MACF1: variants seen among roughly 807,000 people sequenced by gnomAD.
The protein encoded by MACF1 is microtubule actin crosslinking factor 1.
MACF1 carries 193 observed loss-of-function variants against 854.8 expected under a neutral mutation model. That is an observed-to-expected ratio of 0.23 (90% CI 0.20 to 0.25). MACF1 has a LOEUF of 0.25. Among genes scored for constraint, MACF1 ranks in the 10% least tolerant of loss-of-function variants. The pLI, the probability that MACF1 is intolerant of heterozygous loss-of-function variation, is 1.00. For missense variants in MACF1, 7,722 were observed against 8,929.1 expected (o/e 0.86, Z 5.45); for synonymous variants, 3,185 against 3,226.7 (o/e 0.99, Z 0.44).
At chr1:39,297,849 T>G (rs1452112090) in intron 21 of MACF1, 104 bp downstream of exon 21, 1 of 1,367,844 alleles carries the variant, frequency 7.3e-7, no homozygotes, top group Admixed American at 2.2e-5. Flanking sequence ...TGGGCCATTG[T>G]TGTAATAAAG....
intron 51 of MACF1, among the ~76,000 whole-genome samples, chr1:39,371,881 T>C (rs1649281389): frequency 6.6e-6 from 1 of 151,714 alleles, no homozygotes; most frequent in Non-Finnish European, 1.5e-5. Flanking sequence ...TGGCATGATC[T>C]CGGCTCACTG....
At chr1:39,307,074 C>T (rs1404574713) in intron 23 of MACF1, among the ~76,000 whole-genome samples, 4 of 151,810 alleles carry the variant, frequency 2.6e-5, no homozygotes, top group Non-Finnish European at 5.9e-5. Flanking sequence ...AGGGTTTCAC[C>T]ATGTTGGCCA....
At chr1:39,372,764 T>C in intron 52 of MACF1, 168 bp downstream of exon 52, 2 of 575,790 alleles carry the variant, frequency 3.5e-6, no homozygotes, top group East Asian at 6.4e-5. Context: ...CCTTTTGCTA[T>C]ATAACATTGC....
chr1:39,370,122 G>A lies in MACF1; in HGVS notation c.13031G>A (p.Ser4344Asn). 6.2e-7 allele frequency: 1 copy of A among 1,614,082 alleles called. No homozygotes were observed. Among genetic ancestry groups the A allele is most frequent in the Non-Finnish European group, 8.5e-7 (1 of 1,179,936 alleles). ...FQKWLKETEG[S>N]IPPTETSMSA... Reference sequence around the variant, plus strand: ...AAATGGTTGAAAGAAACTGAAGGGAGTATTCCACCTACGGAAACTTCTATG... The same window carrying A: ...AAATGGTTGAAAGAAACTGAAGGGAATATTCCACCTACGGAAACTTCTATG... The change falls in exon 51 of 101, where the codon AGT (serine) becomes AAT (asparagine). Residue 4344 changes from serine to asparagine, a missense_variant. By Grantham distance (46) the Ser-to-Asn change is conservative. Around this residue, in one of 15 missense-constraint regions of MACF1, gnomAD observed 2,807 missense variants for 3,235.8 expected, o/e 0.87. Coordinates refer to ENST00000564288, the MANE Select transcript of MACF1 (RefSeq NM_001394062.1).
intron 2 of MACF1, among the ~76,000 whole-genome samples, chr1:39,126,953 C>T (rs902213806): frequency 7.2e-5 from 11 of 152,050 alleles, no homozygotes; most frequent in Non-Finnish European, 1.0e-4. Context: ...TCCTGTTGGC[C>T]GGGTGCCTTG....
chr1:39,331,379 G>C lies in MACF1; in HGVS notation c.4791G>C (p.Glu1597Asp). Reference protein sequence around the residue: ...PETGENLSLEEGIARNLINPQ... With the variant: ...PETGENLSLEDGIARNLINPQ... Reference sequence around the variant, plus strand: ...CGGGTGAAAACCTCTCTTTGGAGGAGGGCATAGCCAGAAACCTCATTAATC... The same window carrying C: ...CGGGTGAAAACCTCTCTTTGGAGGACGGCATAGCCAGAAACCTCATTAATC... Residue 1597 changes from glutamate (E) to aspartate (D), a missense_variant, in exon 37 of 101, where the codon GAG becomes GAC. By Grantham distance (45) the Glu-to-Asp change is conservative. Coordinates refer to ENST00000564288, the MANE Select transcript of MACF1 (RefSeq NM_001394062.1). 1 of 1,613,930 alleles carries C rather than the reference G, an allele frequency of 6.2e-7. No individual in the cohort carries two copies. The highest frequency in any genetic ancestry group is 8.5e-7 in the Non-Finnish European group (1 of 1,179,994).
intron 90 of MACF1, 170 bp from the exon 91 acceptor site, chr1:39,458,916 G>T: frequency 4.8e-6 from 3 of 621,778 alleles, no homozygotes; most frequent in Non-Finnish European, 8.2e-6. Context: ...GGGAGGATCA[G>T]TACTTTTGGA....
rs1557653449 is a variant in MACF1 at position 39,435,732 on chromosome 1, C to G, written c.17959C>G (p.Leu5987Val). The change falls in exon 70 of 101, where the codon CTG becomes GTG. Residue 5987 changes from leucine to valine, a missense_variant. This residue lies in a region of MACF1 where 2,807 missense variants were observed against 3,235.8 expected (regional missense o/e 0.87). Coordinates refer to ENST00000564288, the MANE Select transcript of MACF1 (RefSeq NM_001394062.1). ...KEEVRQRALA[L>V]DEAVSQSTQF... ...GGAGGTGCGCCAGCGAGCCCTGGCT[C>G]TGGATGAAGCCGTGTCCCAGTCCAC... The G allele has an allele frequency of 2.5e-6, 4 of 1,614,112 alleles. No homozygotes were observed. Among genetic ancestry groups the G allele is most frequent in the Non-Finnish European group, 3.4e-6 (4 of 1,179,986 alleles).
Position 39,293,545 on chromosome 1 carries a change from A to G in MACF1, c.2080A>G (p.Lys694Glu). 6.2e-7 allele frequency: 1 copy of G among 1,613,972 alleles called. No individual in the cohort carries two copies. The stretch of plus-strand genomic sequence containing the variant: ...AGCTGAGTTGATCTGGTTGAATGAG[A>G]AGGAGGAGGAGGAACTAGCATATGA... ...ATAELIWLNE[K>E]EEEELAYDWS... is the part of the protein sequence containing the mutation. The change falls in exon 18 of 101, where the codon AAG becomes GAG. Residue 694 changes from lysine to glutamate, a missense_variant. This residue lies in a region of MACF1 where 1,137 missense variants were observed against 1,263.0 expected (regional missense o/e 0.90). Coordinates refer to ENST00000564288, the MANE Select transcript of MACF1 (RefSeq NM_001394062.1).
chr1:39,456,333 C>CA (rs545870333), intron 89 of MACF1, among the ~76,000 whole-genome samples: 5 of 150,568 alleles, frequency 3.3e-5, no homozygotes, highest in African/African-American at 4.9e-5. Context: ...GACTCCATTT[C>CA]AAAAAAAAAG....
At chr1:39,094,718 C>CAA (rs78652109) in intron 2 of MACF1, among the ~76,000 whole-genome samples, 1 of 137,868 alleles carries the variant, frequency 7.3e-6, no homozygotes, top group African/African-American at 2.6e-5. Flanking sequence ...AACTCTGTCT[C>CAA]AAAAAAAAAA....
chr1:39,413,796 C>T (rs761207068), intron 58 of MACF1: 2 of 1,611,612 alleles, frequency 1.2e-6, no homozygotes, highest in Non-Finnish European at 1.7e-6. Context: ...CTGCAGTGCC[C>T]ACCCCAGCAG....
At chr1:39,476,410 A>C (rs892281870) in intron 97 of MACF1, among the ~76,000 whole-genome samples, 1 of 152,090 alleles carries the variant, frequency 6.6e-6, no homozygotes, top group Non-Finnish European at 1.5e-5. Context: ...CTCTACTAAA[A>C]ATACGAAAAA....
intron 2 of MACF1, among the ~76,000 whole-genome samples, chr1:39,100,259 C>T (rs1309756945): frequency 3.9e-5 from 6 of 151,976 alleles, no homozygotes; most frequent in African/African-American, 1.2e-4. Context: ...AAAAATTTCA[C>T]GTCATTTGGG....
intron 33 of MACF1, among the ~76,000 whole-genome samples, chr1:39,323,766 T>G (rs1264258302): frequency 6.6e-6 from 1 of 152,228 alleles, no homozygotes; most frequent in Non-Finnish European, 1.5e-5. Context: ...CCATACCATC[T>G]TTTGCTTTTT....
In MACF1 at chr1:39,283,148, G is replaced by A. The variant is rs1645584539; in HGVS notation, c.696-41G>A. 1.6e-6 allele frequency: 2 copies of A among 1,248,108 alleles called. No individual in the cohort carries two copies. The allele number at this position is 1,248,108 out of a possible 1,614,324, so 77.3% of individuals were successfully genotyped here. The stretch of plus-strand genomic sequence containing the variant: ...CTTTGTGTAAACTCATGTGTGATGT[G>A]TAGATGGTGGCGTTTCATGTGCCTT... On this transcript the variant is annotated intron_variant, in intron 7 of 100. Transcript: ENST00000564288. The surrounding 1 kb of genome is among the most constrained non-coding windows in gnomAD (Gnocchi z 4.5).
At chr1:39,147,292 C>T (rs956751976) in intron 2 of MACF1, among the ~76,000 whole-genome samples, 3 of 147,966 alleles carry the variant, frequency 2.0e-5, no homozygotes, top group African/African-American at 7.5e-5. Context: ...CTTCTCTTTT[C>T]TCTTTCCTTT....
Position 39,388,266 on chromosome 1 carries a change from C to A in MACF1, c.15424C>A (p.Leu5142Ile). ...TCAATTGGCAGACCTGGATGATGAG[C>A]TAGATGGCATGGGTGCTATTGGCAG... ...FSQLADLDDE[L>I]DGMGAIGRDT... Residue 5142 changes from leucine (L) to isoleucine (I), a missense_variant, in exon 58 of 101, where the codon CTA (leucine) becomes ATA (isoleucine). This residue lies in a region of MACF1 where 2,807 missense variants were observed against 3,235.8 expected (regional missense o/e 0.87). Coordinates refer to ENST00000564288, the MANE Select transcript of MACF1 (RefSeq NM_001394062.1). The A allele has an allele frequency of 6.2e-7, 1 of 1,614,196 alleles. No individual in the cohort carries two copies. The highest frequency in any genetic ancestry group is 2.2e-5 in the East Asian group (1 of 44,888).
At chr1:39,161,728 G>A (rs537821799) in intron 2 of MACF1, among the ~76,000 whole-genome samples, 14 of 152,012 alleles carry the variant, frequency 9.2e-5, no homozygotes, top group African/African-American at 2.7e-4. Flanking sequence ...TTAGCCAGGC[G>A]TGGTGGCGGG....
Sources: gnomAD v4.1 joint callset for allele counts (sites outside exome capture counted in the v4.1 genomes callset) on GRCh38, gnomAD v4.1.1 for gene constraint, gnomAD v4.1.1 regional missense constraint, Gnocchi (gnomAD v3.1) non-coding constraint, MANE v1.5 for transcripts, NCBI Gene and HGNC (gene_info 2026-07-23, HGNC 2026-07-21) for gene names.